The following GABRB1 variants were observed in gnomAD, a reference collection of about 807,000 sequenced individuals.
GABRB1 encodes gamma-aminobutyric acid type A receptor subunit beta1, also known as gamma-aminobutyric acid receptor subunit beta-1.
In GABRB1, 17 loss-of-function variants were observed where a neutral mutation model predicts 51.6. That is an observed-to-expected ratio of 0.33 (90% CI 0.23 to 0.49). GABRB1 has a LOEUF of 0.49. Among genes scored for constraint, GABRB1 ranks in the 20% least tolerant of loss-of-function variants. GABRB1 has a pLI of 0.99. For missense variants in GABRB1, 410 were observed against 600.6 expected, an observed-to-expected ratio of 0.68 and a Z score of 3.32; for synonymous variants, 247 against 218.9, an observed-to-expected ratio of 1.13 and a Z score of -1.14.
intron 1 of GABRB1, among the ~76,000 whole-genome samples, chr4:47,019,924 G>A (rs532092330): frequency 7.8e-4 from 79 of 101,770 alleles, no homozygotes; most frequent in Admixed American, 6.3e-3. Flanking sequence ...ATATGTATAC[G>A]TATATGTATA....
intron 4 of GABRB1, among the ~76,000 whole-genome samples, chr4:47,277,710 A>T (rs569839668): frequency 6.6e-6 from 1 of 152,194 alleles, no homozygotes; most frequent in South Asian, 2.1e-4. Flanking sequence ...AAGAAAAAAC[A>T]TGAATAAACC....
chr4:47,135,682 G>A (rs888993490), intron 3 of GABRB1, among the ~76,000 whole-genome samples: 6 of 151,472 alleles, frequency 4.0e-5, no homozygotes, highest in Admixed American at 6.6e-5. Context: ...CTGTCTCTAC[G>A]TTCTTTCACC....
At chr4:47,347,949 T>A (rs1352364448) in intron 5 of GABRB1, among the ~76,000 whole-genome samples, 2 of 152,120 alleles carry the variant, frequency 1.3e-5, no homozygotes, top group Non-Finnish European at 2.9e-5. Flanking sequence ...GTTATAAAAA[T>A]CAAAGAAAGA....
At position 47,426,196 on chromosome 4, in the gene GABRB1, A is replaced by C; in HGVS notation, c.*178A>C. The C allele has an allele frequency of 2.0e-6, 1 of 489,302 alleles. No homozygotes were observed. The highest frequency in any genetic ancestry group is 3.5e-6 in the Non-Finnish European group (1 of 285,242). The allele number at this position is 489,302 out of a possible 1,614,324, so 30.3% of individuals were successfully genotyped here. A position where few individuals can be genotyped will look rare whatever the true frequency, so the allele number is the denominator to read the frequency against. ...ATGTTTACTTCAAAAAGACAAAACA[A>C]AAAAAAAATTATTTTTCCAGTCTAC... is the stretch of plus-strand genomic sequence containing the variant. On this transcript the variant is annotated 3_prime_UTR_variant, in exon 9 of 9. Transcript: ENST00000295454.
intron 1 of GABRB1, among the ~76,000 whole-genome samples, chr4:47,013,311 C>G (rs1031523584): frequency 6.6e-6 from 1 of 152,072 alleles, no homozygotes; most frequent in Non-Finnish European, 1.5e-5. Flanking sequence ...GGGTGCCCAC[C>G]ACCATGCCCG....
chr4:47,037,102 G>A (rs1299198694), intron 3 of GABRB1, among the ~76,000 whole-genome samples: 1 of 152,078 alleles, frequency 6.6e-6, no homozygotes, highest in African/African-American at 2.4e-5. Flanking sequence ...TAATACCTGT[G>A]AATCAACCAA....
chr4:47,421,691 A>G (rs1729093867), intron 8 of GABRB1, among the ~76,000 whole-genome samples: 1 of 152,098 alleles, frequency 6.6e-6, no homozygotes, highest in Admixed American at 6.5e-5. Flanking sequence ...TTTAAAACTC[A>G]ATGCAAGGCC....
chr4:47,150,130 GA>G (rs1011954328), intron 3 of GABRB1, among the ~76,000 whole-genome samples: 1 of 150,164 alleles, frequency 6.7e-6, no homozygotes, highest in South Asian at 2.1e-4. Flanking sequence ...ATCGTACAAA[GA>G]AAAAAAATGT....
intron 4 of GABRB1, among the ~76,000 whole-genome samples, chr4:47,307,503 T>C (rs1724513460): frequency 6.6e-6 from 1 of 152,048 alleles, no homozygotes; most frequent in Non-Finnish European, 1.5e-5. Context: ...ATGGTGTTCA[T>C]TGTGAACTCT....
intron 3 of GABRB1, among the ~76,000 whole-genome samples, chr4:47,148,953 C>T (rs900348266): frequency 2.0e-5 from 3 of 151,938 alleles, no homozygotes; most frequent in Admixed American, 6.6e-5. Context: ...TTTGTGCTTG[C>T]GGCACATGCT....
intron 3 of GABRB1, among the ~76,000 whole-genome samples, chr4:47,070,628 G>C (rs1161763996): frequency 2.0e-5 from 3 of 151,942 alleles, no homozygotes; most frequent in Non-Finnish European, 4.4e-5. Context: ...CACCGCGCCC[G>C]GCCTGCACTT....
At chr4:47,056,613 G>T (rs1726615970) in intron 3 of GABRB1, among the ~76,000 whole-genome samples, 1 of 152,130 alleles carries the variant, frequency 6.6e-6, no homozygotes, top group South Asian at 2.1e-4. Flanking sequence ...TCCATGCCCT[G>T]AAAGACTCAA....
intron 7 of GABRB1, 29 bp from the exon 8 acceptor site, chr4:47,406,653 C>G: frequency 6.2e-7 from 1 of 1,612,906 alleles, no homozygotes; most frequent in Non-Finnish European, 8.5e-7. Flanking sequence ...GTGGCACCTT[C>G]AGCTAAGTGT....
At chr4:47,157,016 G>T (rs1490894960) in intron 3 of GABRB1, among the ~76,000 whole-genome samples, 1 of 152,036 alleles carries the variant, frequency 6.6e-6, no homozygotes, top group African/African-American at 2.4e-5. Flanking sequence ...GTTTCATTGA[G>T]TGCTACTGGT....
At chr4:47,295,889 A>G (rs1723971292) in intron 4 of GABRB1, among the ~76,000 whole-genome samples, 2 of 152,236 alleles carry the variant, frequency 1.3e-5, no homozygotes, top group African/African-American at 2.4e-5. Flanking sequence ...TGGGAAGCCC[A>G]GCAGACTAAC....
At chr4:47,209,438 T>C (rs753710780) in intron 4 of GABRB1, among the ~76,000 whole-genome samples, 1 of 152,184 alleles carries the variant, frequency 6.6e-6, no homozygotes, top group African/African-American at 2.4e-5. Context: ...AATTTGATTC[T>C]ATATTCCAAA....
chr4:47,078,332 T>C (rs1727665189), intron 3 of GABRB1, among the ~76,000 whole-genome samples: 1 of 152,146 alleles, frequency 6.6e-6, no homozygotes. Context: ...AACAGATGCC[T>C]GACTAAGCAC....
chr4:47,167,301 C>G (rs1399454066), intron 4 of GABRB1, among the ~76,000 whole-genome samples: 3 of 151,996 alleles, frequency 2.0e-5, no homozygotes, highest in Non-Finnish European at 2.9e-5. Context: ...CTCTCCAAGC[C>G]CCAGCCATGT....
intron 8 of GABRB1, among the ~76,000 whole-genome samples, chr4:47,425,433 T>C (rs1056734429): frequency 2.9e-5 from 4 of 139,368 alleles, no homozygotes; most frequent in African/African-American, 1.1e-4. Flanking sequence ...GTTCTGTGAG[T>C]GGAGACAGAT....
Sources: allele counts gnomAD v4.1 joint callset (sites outside exome capture counted in the v4.1 genomes callset), GRCh38; gene constraint gnomAD v4.1.1; transcripts MANE v1.5; gene names NCBI Gene and HGNC (gene_info 2026-07-23, HGNC 2026-07-21).